The following IGSF22 variants were observed in gnomAD, a reference collection of about 807,000 sequenced individuals.
IGSF22 encodes the protein immunoglobulin superfamily member 22, also known as immunoglobulin superfamily, member 22.
A neutral mutation model predicts 127.0 loss-of-function variants in IGSF22; 119 were observed. That is an observed-to-expected ratio of 0.94 (90% CI 0.81 to 1.09). The LOEUF (loss-of-function observed/expected upper bound fraction) is 1.09, where lower values mean the gene tolerates loss of function less well. Ranked by LOEUF, IGSF22 falls within the 50% of genes least tolerant of loss-of-function variation. The probability of loss-of-function intolerance (pLI) is 0.00; values close to 1 mark genes in which losing one functional copy is unlikely to be tolerated. For synonymous variants in IGSF22, 568 were observed against 664.7 expected (o/e 0.85, Z 2.24); for missense variants, 1,518 against 1,716.6 (o/e 0.88, Z 2.04).
chr11:18,704,698 C>A, intron 22 of IGSF22, 160 bp from the exon 23 acceptor site: 1 of 616,148 alleles, frequency 1.6e-6, no homozygotes, highest in Non-Finnish European at 2.9e-6. Flanking sequence ...ATTTATCTAG[C>A]ACTTAATATT....
chr11:18,716,955 G>C lies in IGSF22; in HGVS notation c.1019C>G (p.Thr340Arg). The C allele has an allele frequency of 6.2e-7, 1 of 1,614,184 alleles. No individual in the cohort carries two copies. The highest frequency in any genetic ancestry group is 8.5e-7 in the Non-Finnish European group (1 of 1,180,032). Residue 340 changes from threonine to arginine, a missense_variant, in exon 10 of 23, where the codon ACA (threonine) becomes AGA (arginine). Coordinates refer to ENST00000513874, the MANE Select transcript of IGSF22 (RefSeq NM_173588.4). This position sits in a 1 kb window ranked among gnomAD's most constrained non-coding sequence, Gnocchi z 4.5. ...FLGEMKPVKV[T>R]ERQTAVFEIR... Reference sequence around the variant, plus strand: ...CTCAAACACAGCTGTCTGGCGCTCTGTCACCTTCACAGGCTTCATCTCTCC... The same window carrying C: ...CTCAAACACAGCTGTCTGGCGCTCTCTCACCTTCACAGGCTTCATCTCTCC...
Position 18,717,007 on chromosome 11 carries a change from C to T in IGSF22, c.974-7G>A, listed in dbSNP as rs371121589. On this transcript the variant is annotated splice_region_variant and splice_polypyrimidine_tract_variant and intron_variant, in intron 9 of 22. Transcript: ENST00000513874. ...AGGAACTTCAGTGGCTCATCTGCAG[C>T]AAACAGTAGGAGTGGTAGTCATTGG... is the stretch of plus-strand genomic sequence containing the variant. 1 of 1,613,788 alleles carries T rather than the reference C, an allele frequency of 6.2e-7. No individual in the cohort carries two copies. Among genetic ancestry groups the T allele is most frequent in the African/African-American group, 1.3e-5 (1 of 74,912 alleles).
intron 19 of IGSF22, 93 bp downstream of exon 19, chr11:18,708,114 A>C: frequency 6.8e-7 from 1 of 1,468,636 alleles, no homozygotes. Context: ...GGTGAGGGGC[A>C]GAGTCAGAGT....
At chr11:18,718,233 C>T (rs1848498743) in intron 8 of IGSF22, 140 bp from the exon 9 acceptor site, 1 of 767,846 alleles carries the variant, frequency 1.3e-6, no homozygotes, top group Non-Finnish European at 2.1e-6. Flanking sequence ...ATCTCTATAG[C>T]CTCATCATCT....
chr11:18,706,331 A>AC (rs1398211857), intron 21 of IGSF22, among the ~76,000 whole-genome samples, 185 bp from the exon 22 acceptor site: 1 of 38,866 alleles, frequency 2.6e-5, no homozygotes, highest in Non-Finnish European at 5.2e-5. Context: ...GCCTCCCCCG[A>AC]CCCCCCAGCC....
At chr11:18,710,974 C>G in intron 15 of IGSF22, 146 bp from the exon 16 acceptor site, 1 of 705,266 alleles carries the variant, frequency 1.4e-6, no homozygotes, top group Non-Finnish European at 2.3e-6. Context: ...CAAGGTCTCA[C>G]TCTGTTGCCC....
intron 22 of IGSF22, among the ~76,000 whole-genome samples, chr11:18,705,253 T>C (rs1200689821): frequency 6.6e-6 from 1 of 152,028 alleles, no homozygotes; most frequent in African/African-American, 2.4e-5. Flanking sequence ...GCATTTAGAG[T>C]TCATGCTGCT....
rs201898534 is a variant in IGSF22, at chr11:18,713,922, G to A, written c.2025C>T (p.Ser675=). ...LTISNCVRED[S]GLILLKLKND... ...TCTTGAGCTTGAGCAGGATGAGGCC[G>A]CTGTCTTCACGCACACAGTTGGAGA... The change falls in exon 14 of 23, where the codon AGC becomes AGT. Residue 675 remains serine, a synonymous_variant. Transcript: ENST00000513874. 6.2e-6 allele frequency: 10 copies of A among 1,614,120 alleles called. No individual in the cohort carries two copies. The African/African-American group carries it at 1.1e-4, about 17-fold the overall frequency.
chr11:18,706,389 A>C (rs915770337), intron 21 of IGSF22: 3 of 472,350 alleles, frequency 6.4e-6, no homozygotes, highest in Non-Finnish European at 1.1e-5. Context: ...ACGCTTTCCC[A>C]CACCCCTGGG....
At position 18,712,402 on chromosome 11, in the gene IGSF22, C is replaced by T. The variant is rs1215742748; in HGVS notation, c.2096-18G>A. The T allele has an allele frequency of 1.9e-6, 3 of 1,538,650 alleles. No homozygotes were observed. Among genetic ancestry groups the T allele is most frequent in the South Asian group, 1.2e-5 (1 of 82,536 alleles). On this transcript the variant is annotated intron_variant, in intron 14 of 22. Coordinates refer to ENST00000513874, the MANE Select transcript of IGSF22 (RefSeq NM_173588.4). ...TGGACGGTCTGGGGACAGAGAACAGCTTCAGAATGGGGCTTTGGAACAAAG... is the reference window on the plus strand; with the variant it reads ...TGGACGGTCTGGGGACAGAGAACAGTTTCAGAATGGGGCTTTGGAACAAAG...
intron 2 of IGSF22, among the ~76,000 whole-genome samples, chr11:18,723,855 T>G (rs1172728411): frequency 6.6e-6 from 1 of 152,260 alleles, no homozygotes; most frequent in African/African-American, 2.4e-5. Flanking sequence ...TCTGATCTCC[T>G]TCAGCAATTA....
In IGSF22 at chr11:18,709,673, G is replaced by T. The variant is rs373401202; in HGVS notation, c.2712C>A (p.Gly904=). ...CAGATACATGCAGGTCCTGGACCAGGCCTGGGGGTTCTGGGGTAGAACAGA... is the reference window on the plus strand; with the variant it reads ...CAGATACATGCAGGTCCTGGACCAGTCCTGGGGGTTCTGGGGTAGAACAGA... ...VVAKDPVKPP[G]LVQDLHVSDS... is the part of the protein sequence containing the mutation. The change falls in exon 18 of 23, where the codon GGC becomes GGA. Residue 904 remains glycine (G), a synonymous_variant. Transcript: ENST00000513874. This position sits in a 1 kb window ranked among gnomAD's most constrained non-coding sequence, Gnocchi z 4.8. 21 of 1,613,434 alleles carry T rather than the reference G, an allele frequency of 1.3e-5. No homozygotes were observed. The highest frequency in any genetic ancestry group is 1.8e-5 in the Non-Finnish European group (21 of 1,179,670).
chr11:18,706,728 G>A (rs1848242908), intron 21 of IGSF22, 186 bp downstream of exon 21: 8 of 539,250 alleles, frequency 1.5e-5, no homozygotes, highest in Non-Finnish European at 3.2e-6. Context: ...CTCCACTTTA[G>A]TCTCACCCCT....
chr11:18,712,454 C>A, intron 14 of IGSF22, 70 bp from the exon 15 acceptor site: 1 of 1,387,438 alleles, frequency 7.2e-7, no homozygotes, highest in Non-Finnish European at 9.7e-7. Flanking sequence ...TCCCACTCAC[C>A]AAAGGTCTGC....
intron 21 of IGSF22, 155 bp downstream of exon 21, chr11:18,706,759 A>G (rs1236747698): frequency 1.4e-5 from 9 of 637,030 alleles, no homozygotes; most frequent in Non-Finnish European, 2.0e-5. Flanking sequence ...AAGAAAGCCA[A>G]TATTTCCTTC....
rs988299902 is a variant in IGSF22 at position 18,708,191 on chromosome 11, G to T, written c.3087+16C>A. 1 of 1,538,344 alleles carries T rather than the reference G, an allele frequency of 6.5e-7. No homozygotes were observed. Among genetic ancestry groups the T allele is most frequent in the Non-Finnish European group, 8.8e-7 (1 of 1,140,400 alleles). On this transcript the variant is annotated intron_variant, in intron 19 of 22. Coordinates refer to ENST00000513874, the MANE Select transcript of IGSF22 (RefSeq NM_173588.4). ...ATGTGGACAGTGTATGGAGGTCAGG[G>T]TCAGGGACAACTCACAGAGAAGGCT... is the stretch of plus-strand genomic sequence containing the variant.
In IGSF22 at chr11:18,721,978, G is replaced by C; in HGVS notation, c.173C>G (p.Ser58Ter). ...GACGCTGTCGCCCGCAGGGATGTTTGAGCTCCGGGTCACTAAGCTGAAGAA... is the reference window on the plus strand; with the variant it reads ...GACGCTGTCGCCCGCAGGGATGTTTCAGCTCCGGGTCACTAAGCTGAAGAA... ...VEFFSLVTRSSNIPAGDSVPE... is the reference protein window; with the variant it reads ...VEFFSLVTRS Residue 58 changes from serine to a stop codon, truncating the protein, a stop_gained, in exon 3 of 23, where the codon TCA becomes TGA. Transcript: ENST00000513874. LOFTEE classifies it high-confidence loss of function. The C allele has an allele frequency of 6.2e-7, 1 of 1,614,044 alleles. No individual in the cohort carries two copies. Among genetic ancestry groups the C allele is most frequent in the Non-Finnish European group, 8.5e-7 (1 of 1,180,032 alleles).
In IGSF22 at chr11:18,717,965, G is replaced by A. The variant is rs117464702; in HGVS notation, c.939C>T (p.Gly313=). ...NDAGIYSLSV[G]DKRMSAELTV... is the part of the protein sequence containing the mutation. ...TGAGCTCTGCACTCATCCGCTTATCGCCCACGGACAGGCTGTAGATGCCAG... is the reference window on the plus strand; with the variant it reads ...TGAGCTCTGCACTCATCCGCTTATCACCCACGGACAGGCTGTAGATGCCAG... Residue 313 remains glycine, a synonymous_variant, in exon 9 of 23, where the codon GGC becomes GGT. Transcript: ENST00000513874. The A allele has an allele frequency of 7.4e-4, 1,187 of 1,614,052 alleles. 19 individuals are homozygous for A. In the African/African-American group the frequency reaches 0.011, roughly 15 times the overall value.
At chr11:18,705,708 G>T in intron 22 of IGSF22, 109 bp downstream of exon 22, 1 of 899,922 alleles carries the variant, frequency 1.1e-6, no homozygotes, top group Non-Finnish European at 1.7e-6. Context: ...ACCACCTGTT[G>T]GCAGTCAGAT....
Sources: gnomAD v4.1 joint callset for allele counts (sites outside exome capture counted in the v4.1 genomes callset) on GRCh38, gnomAD v4.1.1 for gene constraint, Gnocchi (gnomAD v3.1) non-coding constraint, MANE v1.5 for transcripts, NCBI Gene and HGNC (gene_info 2026-07-23, HGNC 2026-07-21) for gene names.